Variants in CPO observed in about 807,000 individuals in gnomAD.
The protein encoded by CPO is carboxypeptidase O.
In CPO, 43 loss-of-function variants were observed where a neutral mutation model predicts 41.2. The ratio of observed to expected loss-of-function variants is 1.04; its 90% CI spans 0.82 to 1.35. The LOEUF (loss-of-function observed/expected upper bound fraction) is 1.35, where lower values mean the gene tolerates loss of function less well. Ranked by LOEUF, CPO falls within the 40% of genes most tolerant of loss-of-function variation. CPO has a pLI of 0.00. For synonymous variants in CPO, 178 were observed against 162.7 expected, an observed-to-expected ratio of 1.09 and a Z score of -0.72; for missense variants, 408 against 451.7, an observed-to-expected ratio of 0.90 and a Z score of 0.88.
chr2:206,969,080 T>G (rs1483424818), intron 8 of CPO, 94 bp from the exon 9 acceptor site: 3 of 1,283,838 alleles, frequency 2.3e-6, no homozygotes, highest in Non-Finnish European at 3.3e-6. Context: ...GCTTCTTTAT[T>G]TTACTAAGTG....
chr2:206,965,512 T>C (rs1380018617), intron 7 of CPO, among the ~76,000 whole-genome samples: 6 of 152,212 alleles, frequency 3.9e-5, no homozygotes, highest in Non-Finnish European at 7.3e-5. Flanking sequence ...AACATAACTA[T>C]ATATAGCCTC....
At chr2:206,958,096 C>T (rs762077469) in intron 3 of CPO, among the ~76,000 whole-genome samples, 2 of 152,136 alleles carry the variant, frequency 1.3e-5, no homozygotes, top group African/African-American at 2.4e-5. Flanking sequence ...TGAGAACAAC[C>T]ATCAAGGTAA....
chr2:206,964,556 A>C (rs919848132), intron 7 of CPO, among the ~76,000 whole-genome samples: 5 of 152,118 alleles, frequency 3.3e-5, no homozygotes, highest in African/African-American at 1.2e-4. Flanking sequence ...ACTACCTCGC[A>C]CGCCTCTCTC....
At position 206,949,609 on chromosome 2, in the gene CPO, C is replaced by T. The variant is rs759031634; in HGVS notation, c.69-8C>T. 1.2e-6 allele frequency: 2 copies of T among 1,608,792 alleles called. No individual in the cohort carries two copies. The highest frequency in any genetic ancestry group is 1.7e-6 in the Non-Finnish European group (2 of 1,175,538). The stretch of plus-strand genomic sequence containing the variant: ...ACTGCTTTTCCTCTTACTTTCTTCC[C>T]TTTGCAGATCCTTAGCCCAACACAG... On this transcript the variant is annotated splice_polypyrimidine_tract_variant and splice_region_variant and intron_variant, in intron 1 of 8. Transcript: ENST00000272852.
At chr2:206,943,772 AGATAGATGAT>A (rs1693088507) in intron 1 of CPO, among the ~76,000 whole-genome samples, 1 of 120,628 alleles carries the variant, frequency 8.3e-6, no homozygotes, top group Non-Finnish European at 1.8e-5. Context: ...ATAGATAGAT[AGATAGATGAT>A]AAGCAGATAG....
intron 2 of CPO, 104 bp downstream of exon 2, chr2:206,949,817 A>G: frequency 3.0e-6 from 2 of 668,328 alleles, no homozygotes; most frequent in Non-Finnish European, 5.3e-6. Flanking sequence ...GAGGCTGAAA[A>G]TGTGGTGTTA....
intron 1 of CPO, among the ~76,000 whole-genome samples, chr2:206,945,759 A>G (rs1693132048): frequency 6.6e-6 from 1 of 152,134 alleles, no homozygotes; most frequent in East Asian, 1.9e-4. Flanking sequence ...ATAAGCCCAT[A>G]TCTATTAAAA....
chr2:206,962,427 GA>G lies in CPO; in HGVS notation c.593del (p.Asn198ThrfsTer25), dbSNP rs1327363919. 1.9e-5 allele frequency: 30 copies of G among 1,614,036 alleles called. No individual in the cohort carries two copies. The highest frequency in any genetic ancestry group is 2.3e-5 in the Non-Finnish European group (27 of 1,179,968). On this transcript the variant is annotated frameshift_variant, in exon 7 of 9. Transcript: ENST00000272852. LOFTEE classifies it high-confidence loss of function. The stretch of plus-strand genomic sequence containing the variant: ...CATATTCTAGGTATTGGTGCCTCTA[GA>G]AACTGCCAAGATCAAACATTCTGTG... Reference protein sequence around the residue: ...NASWCSIGASRNCQDQTFCGT... With the variant: ...NASWCSIGASXNCQDQTFCGT...
At chr2:206,968,199 A>G in intron 7 of CPO, 64 bp from the exon 8 acceptor site, 1 of 1,140,118 alleles carries the variant, frequency 8.8e-7, no homozygotes, top group Non-Finnish European at 1.3e-6. Context: ...CAAAACACCA[A>G]ATGGTTGGAT....
rs1023013200 is a variant in CPO at position 206,969,067 on chromosome 2, A to G, written c.863-107A>G. ...GCTATTTCTGAGACCCTGATCTAAA[A>G]GAGCTTCTTTATTTTACTAAGTGAA... is the stretch of plus-strand genomic sequence containing the variant. On this transcript the variant is annotated intron_variant, in intron 8 of 8. Coordinates refer to ENST00000272852, the MANE Select transcript of CPO (RefSeq NM_173077.3). 5.1e-6 allele frequency: 6 copies of G among 1,170,756 alleles called. No homozygotes were observed. The Admixed American group carries it at 6.0e-5, about 12-fold the overall frequency. The allele number at this position is 1,170,756 out of a possible 1,614,324, so 72.5% of individuals were successfully genotyped here.
intron 1 of CPO, among the ~76,000 whole-genome samples, chr2:206,941,025 C>T (rs185381328): frequency 2.0e-5 from 3 of 152,134 alleles, no homozygotes; most frequent in Admixed American, 2.0e-4. Context: ...GAAATGAAGA[C>T]TCTTACATAT....
intron 7 of CPO, 27 bp from the exon 8 acceptor site, chr2:206,968,236 A>G (rs1017929649): frequency 2.8e-6 from 4 of 1,444,770 alleles, no homozygotes; most frequent in Non-Finnish European, 3.9e-6. Flanking sequence ...AACACCAGAT[A>G]TCTGTCTCTG....
At chr2:206,967,704 G>A (rs1693612675) in intron 7 of CPO, among the ~76,000 whole-genome samples, 1 of 152,120 alleles carries the variant, frequency 6.6e-6, no homozygotes, top group Non-Finnish European at 1.5e-5. Flanking sequence ...TATGGTGTTG[G>A]GAAGGTGGGT....
At chr2:206,953,515 A>G (rs1466789815) in intron 2 of CPO, among the ~76,000 whole-genome samples, 1 of 152,352 alleles carries the variant, frequency 6.6e-6, no homozygotes, top group African/African-American at 2.4e-5. Context: ...GGCTCCTACA[A>G]CCTTGGACAT....
At chr2:206,942,907 A>G (rs1693055421) in intron 1 of CPO, among the ~76,000 whole-genome samples, 1 of 152,170 alleles carries the variant, frequency 6.6e-6, no homozygotes. Context: ...AGCATTTTTA[A>G]TATCGGGGCT....
intron 2 of CPO, among the ~76,000 whole-genome samples, chr2:206,954,924 G>A (rs1398466409): frequency 2.0e-5 from 3 of 152,132 alleles, no homozygotes; most frequent in Non-Finnish European, 2.9e-5. Context: ...CATGAGAACA[G>A]CATGGGAAAA....
chr2:206,953,393 C>G (rs910948548), intron 2 of CPO, among the ~76,000 whole-genome samples: 5 of 152,244 alleles, frequency 3.3e-5, no homozygotes, highest in Admixed American at 1.3e-4. Flanking sequence ...AAAGGGGCCA[C>G]AGGCCCCAAG....
At chr2:206,958,872 G>C (rs1693425245) in intron 4 of CPO, among the ~76,000 whole-genome samples, 1 of 151,120 alleles carries the variant, frequency 6.6e-6, no homozygotes, top group African/African-American at 2.4e-5. Context: ...CTCTTGAGTA[G>C]CTGGGATTAC....
chr2:206,969,177 C>T lies in CPO; in HGVS notation c.866C>T (p.Ala289Val), dbSNP rs759125914. Residue 289 changes from alanine to valine, a missense_variant, in exon 9 of 9, where the codon GCC (alanine) becomes GTC (valine). Transcript: ENST00000272852. ...GCCTTCATGTTTTCACCTGTAGATG[C>T]CTCATCAGGGTCTTCAAGAGATTGG... ...RVGSSADILYASSGSSRDWAR... is the reference protein window; with the variant it reads ...RVGSSADILYVSSGSSRDWAR... The T allele has an allele frequency of 5.6e-6, 9 of 1,614,014 alleles. No individual in the cohort carries two copies. Among genetic ancestry groups the T allele is most frequent in the Non-Finnish European group, 6.8e-6 (8 of 1,179,880 alleles).
Sources: allele counts gnomAD v4.1 joint callset (sites outside exome capture counted in the v4.1 genomes callset), GRCh38; gene constraint gnomAD v4.1.1; transcripts MANE v1.5; gene names NCBI Gene and HGNC (gene_info 2026-07-23, HGNC 2026-07-21).